Variants in FHIT observed in about 807,000 individuals in gnomAD.
The protein encoded by FHIT is fragile histidine triad diadenosine triphosphatase, also known as bis(5'-adenosyl)-triphosphatase.
A neutral mutation model predicts 17.9 loss-of-function variants in FHIT; 19 were observed. That is an observed-to-expected ratio of 1.06 (90% CI 0.74 to 1.56). The LOEUF (loss-of-function observed/expected upper bound fraction) is 1.56, where lower values mean the gene tolerates loss of function less well. Ranked by LOEUF, FHIT falls within the 40% of genes most tolerant of loss-of-function variation. The pLI is 0.00. For synonymous variants in FHIT, 81 were observed against 69.7 expected (o/e 1.16, Z -0.81); for missense variants, 248 against 189.2 (o/e 1.31, Z -1.82).
At chr3:60,286,736 G>A (rs1707748141) in intron 5 of FHIT, among the ~76,000 whole-genome samples, 1 of 152,164 alleles carries the variant, frequency 6.6e-6, no homozygotes, top group Non-Finnish European at 1.5e-5. Context: ...AATGGGCTTA[G>A]AACACTGTGG....
At chr3:59,887,751 C>T (rs1703688472) in intron 8 of FHIT, among the ~76,000 whole-genome samples, 1 of 152,108 alleles carries the variant, frequency 6.6e-6, no homozygotes, top group Non-Finnish European at 1.5e-5. Context: ...AGGTGACTGC[C>T]CAAGAATTAA....
At chr3:60,605,306 A>G (rs1410280605) in intron 4 of FHIT, among the ~76,000 whole-genome samples, 1 of 152,180 alleles carries the variant, frequency 6.6e-6, no homozygotes, top group Non-Finnish European at 1.5e-5. Context: ...TGCAGTCATA[A>G]TAGAAACAAA....
At chr3:60,088,274 G>A (rs1697870191) in intron 5 of FHIT, among the ~76,000 whole-genome samples, 1 of 152,064 alleles carries the variant, frequency 6.6e-6, no homozygotes, top group Admixed American at 6.5e-5. Flanking sequence ...CTCCAATACT[G>A]GGGATCAAAT....
intron 5 of FHIT, among the ~76,000 whole-genome samples, chr3:60,402,165 C>A (rs1466493446): frequency 6.6e-6 from 1 of 152,170 alleles, no homozygotes; most frequent in East Asian, 1.9e-4. Context: ...AAAAGAAAAT[C>A]TCATAGACAC....
rs574974245 is a variant in FHIT at position 59,790,506 on chromosome 3, T to TTC, written c.349-38187_349-38186dup. 8.1e-3 allele frequency among the ~76,000 whole-genome samples: 1,226 copies of TTC among 150,600 alleles called. 11 individuals are homozygous for TTC. The highest frequency in any genetic ancestry group is 0.02 in the East Asian group (100 of 5,122). On this transcript the variant is annotated intron_variant, in intron 8 of 9. Transcript: ENST00000492590. Reference sequence around the variant, plus strand: ...GTTCATTGCTTCTCTCTCTCTCTCTTTCTCTCTCTCTCTCTCTCTCTCTGT... The same window carrying TTC: ...GTTCATTGCTTCTCTCTCTCTCTCTTTCTCTCTCTCTCTCTCTCTCTCTCTGT...
chr3:61,192,077 A>G (rs9819588), intron 2 of FHIT, among the ~76,000 whole-genome samples: 88,662 of 151,864 alleles, frequency 0.58, 26,695 homozygotes, highest in East Asian at 0.96. Context: ...GTCTGCCTGT[A>G]GCTCCCAAAA....
intron 5 of FHIT, among the ~76,000 whole-genome samples, chr3:60,453,554 T>C (rs769659690): frequency 6.6e-6 from 1 of 152,120 alleles, no homozygotes; most frequent in Admixed American, 6.6e-5. Context: ...TTGTAAAACA[T>C]AAAGGCAGCT....
intron 2 of FHIT, among the ~76,000 whole-genome samples, chr3:61,073,907 G>T (rs776478610): frequency 6.6e-6 from 1 of 152,130 alleles, no homozygotes; most frequent in Non-Finnish European, 1.5e-5. Context: ...CTTGAATAGG[G>T]TCAAAGTAGT....
At chr3:60,999,930 TCA>T (rs1292951430) in intron 3 of FHIT, among the ~76,000 whole-genome samples, 5 of 152,150 alleles carry the variant, frequency 3.3e-5, no homozygotes, top group Non-Finnish European at 7.4e-5. Flanking sequence ...CTGTCTGTCC[TCA>T]CACAGTGGAG....
At chr3:60,306,044 A>T (rs920308551) in intron 5 of FHIT, among the ~76,000 whole-genome samples, 2 of 152,162 alleles carry the variant, frequency 1.3e-5, no homozygotes, top group African/African-American at 4.8e-5. Flanking sequence ...ATACAATTTA[A>T]ACCATAATTC....
chr3:60,706,108 C>G (rs2041365193), intron 4 of FHIT, among the ~76,000 whole-genome samples: 1 of 151,988 alleles, frequency 6.6e-6, no homozygotes, highest in South Asian at 2.1e-4. Context: ...ATGGATGAAG[C>G]TGGAAGCCAT....
chr3:59,844,327 A>T (rs146686262), intron 8 of FHIT, among the ~76,000 whole-genome samples: 1,750 of 152,276 alleles, frequency 0.011, 37 homozygotes, highest in African/African-American at 0.039. Flanking sequence ...TTTAAGTACT[A>T]TGTTGAATAC....
At chr3:60,486,461 A>G (rs919800936) in intron 5 of FHIT, among the ~76,000 whole-genome samples, 33 of 152,144 alleles carry the variant, frequency 2.2e-4, no homozygotes, top group Non-Finnish European at 2.6e-4. Context: ...AGCTCCTAAC[A>G]TCAAACATTA....
At chr3:61,007,277 G>A (rs1439958243) in intron 3 of FHIT, among the ~76,000 whole-genome samples, 2 of 152,188 alleles carry the variant, frequency 1.3e-5, no homozygotes, top group Non-Finnish European at 2.9e-5. Context: ...ACAAGAGGCT[G>A]TATTTTGTAG....
chr3:60,837,856 T>C (rs1392838923), intron 3 of FHIT, among the ~76,000 whole-genome samples: 1 of 152,152 alleles, frequency 6.6e-6, no homozygotes, highest in Non-Finnish European at 1.5e-5. Flanking sequence ...ATTTTACCAG[T>C]TTGAGTAACA....
chr3:60,588,298 C>G (rs1485667553), intron 4 of FHIT, among the ~76,000 whole-genome samples: 2 of 151,950 alleles, frequency 1.3e-5, no homozygotes, highest in Non-Finnish European at 2.9e-5. Flanking sequence ...AATGAAGTTA[C>G]TAACAATTTA....
At chr3:59,749,711 G>A (rs1284429004) in intron 9 of FHIT, 132 bp from the exon 10 acceptor site, 1 of 230,254 alleles carries the variant, frequency 4.3e-6, no homozygotes, top group Non-Finnish European at 8.6e-6. Context: ...GTGGGCCAAA[G>A]TGCAGCCTGA....
intron 5 of FHIT, among the ~76,000 whole-genome samples, chr3:60,054,768 G>T (rs1413180132): frequency 1.3e-5 from 2 of 152,058 alleles, no homozygotes; most frequent in Non-Finnish European, 2.9e-5. Context: ...GGTGGTGGTG[G>T]TTACTGTTGT....
At chr3:60,114,877 GA>G (rs1704884151) in intron 5 of FHIT, among the ~76,000 whole-genome samples, 1 of 152,136 alleles carries the variant, frequency 6.6e-6, no homozygotes, top group Admixed American at 6.5e-5. Context: ...TCAACTGACA[GA>G]AGAGAGAGGC....
Sources: allele counts gnomAD v4.1 joint callset (sites outside exome capture counted in the v4.1 genomes callset), GRCh38; gene constraint gnomAD v4.1.1; transcripts MANE v1.5; gene names NCBI Gene and HGNC (gene_info 2026-07-23, HGNC 2026-07-21).